SLC8A1: variants seen among roughly 807,000 people sequenced by gnomAD.
The protein encoded by SLC8A1 is solute carrier family 8 member A1.
SLC8A1 carries 18 observed loss-of-function variants against 68.3 expected under a neutral mutation model. The observed-to-expected ratio is 0.26, with a 90% confidence interval of 0.18 to 0.39. The LOEUF is 0.39. Among genes scored for constraint, SLC8A1 ranks in the 10% least tolerant of loss-of-function variants. SLC8A1 has a pLI of 1.00. For synonymous variants in SLC8A1, 475 were observed against 415.5 expected, an observed-to-expected ratio of 1.14 and a Z score of -1.74; for missense variants, 985 against 1,156.7, an observed-to-expected ratio of 0.85 and a Z score of 2.15.
intron 1 of SLC8A1, among the ~76,000 whole-genome samples, chr2:40,457,219 C>G (rs1424345135): frequency 6.6e-6 from 1 of 152,146 alleles, no homozygotes; most frequent in East Asian, 1.9e-4. Flanking sequence ...ACACACTTTC[C>G]TCAACATTGA....
chr2:40,178,559 A>G, intron 2 of SLC8A1, 66 bp from the exon 3 acceptor site: 1 of 1,369,616 alleles, frequency 7.3e-7, no homozygotes, highest in Non-Finnish European at 1.0e-6. Context: ...AACATAGAGA[A>G]GAGGAAAGCA....
At chr2:40,425,154 TTATATC>T (rs1352682377) in intron 2 of SLC8A1, among the ~76,000 whole-genome samples, 1 of 151,938 alleles carries the variant, frequency 6.6e-6, no homozygotes, top group Non-Finnish European at 1.5e-5. Context: ...TAGCTGTTAA[TTATATC>T]TATTTAATGG....
At chr2:40,483,473 G>A (rs1006368149) in intron 1 of SLC8A1, among the ~76,000 whole-genome samples, 1 of 151,996 alleles carries the variant, frequency 6.6e-6, no homozygotes, top group Non-Finnish European at 1.5e-5. Context: ...GGAGAGGAGA[G>A]AAAGCACAAT....
chr2:40,452,302 C>A (rs1208538811), upstream of SLC8A1, among the ~76,000 whole-genome samples: 1 of 151,834 alleles, frequency 6.6e-6, no homozygotes, highest in Non-Finnish European at 1.5e-5. Flanking sequence ...CCCAGGCGAT[C>A]GCGTCGGGGC....
chr2:40,237,636 C>T (rs879702129), intron 2 of SLC8A1, among the ~76,000 whole-genome samples: 57 of 152,198 alleles, frequency 3.7e-4, no homozygotes, highest in Non-Finnish European at 5.1e-4. Flanking sequence ...AGCTTTGTTC[C>T]GTTGCTGGTG....
chr2:40,149,147 G>A (rs1385171203), intron 6 of SLC8A1, among the ~76,000 whole-genome samples: 1 of 152,162 alleles, frequency 6.6e-6, no homozygotes, highest in African/African-American at 2.4e-5. Context: ...TGCACCTCAA[G>A]CCCAGGCTGA....
chr2:40,391,384 C>T (rs1685217803), intron 2 of SLC8A1, among the ~76,000 whole-genome samples: 1 of 151,914 alleles, frequency 6.6e-6, no homozygotes, highest in South Asian at 2.1e-4. Flanking sequence ...AAGAAAGCAG[C>T]ATATGGAACT....
At chr2:40,224,979 C>G (rs1288618816) in intron 2 of SLC8A1, among the ~76,000 whole-genome samples, 1 of 152,158 alleles carries the variant, frequency 6.6e-6, no homozygotes, top group African/African-American at 2.4e-5. Flanking sequence ...GAGTAAAGTT[C>G]ATGTTTGACT....
intron 2 of SLC8A1, among the ~76,000 whole-genome samples, chr2:40,376,540 T>C (rs1279757328): frequency 1.3e-5 from 2 of 151,962 alleles, no homozygotes; most frequent in Admixed American, 6.6e-5. Flanking sequence ...GCAATGTTCA[T>C]GCATTTCAGT....
At chr2:40,291,748 T>C (rs987792943) in intron 2 of SLC8A1, among the ~76,000 whole-genome samples, 2 of 152,178 alleles carry the variant, frequency 1.3e-5, no homozygotes, top group Admixed American at 6.6e-5. Context: ...TGTTATTTTA[T>C]GTTAGTGCAT....
intron 2 of SLC8A1, among the ~76,000 whole-genome samples, chr2:40,383,283 T>C (rs1682495915): frequency 6.6e-6 from 1 of 152,110 alleles, no homozygotes; most frequent in Admixed American, 6.6e-5. Context: ...TAGTAACTTT[T>C]ACATACCGGA....
At chr2:40,486,431 C>T (rs562171707) in intron 1 of SLC8A1, among the ~76,000 whole-genome samples, 6 of 151,964 alleles carry the variant, frequency 3.9e-5, no homozygotes, top group African/African-American at 1.4e-4. Context: ...TTCAGCATGC[C>T]CTTGGATCTG....
At chr2:40,378,997 G>T (rs1680843036) in intron 2 of SLC8A1, among the ~76,000 whole-genome samples, 1 of 152,030 alleles carries the variant, frequency 6.6e-6, no homozygotes, top group Non-Finnish European at 1.5e-5. Flanking sequence ...TTTGTTCCCA[G>T]ACTGGAATGT....
chr2:40,230,186 G>A (rs544956593), intron 2 of SLC8A1, among the ~76,000 whole-genome samples: 2 of 152,106 alleles, frequency 1.3e-5, no homozygotes, highest in Non-Finnish European at 2.9e-5. Flanking sequence ...GGAAGGTCTC[G>A]CTAGTCCAGA....
chr2:40,489,587 G>C (rs1281203147), intron 1 of SLC8A1, among the ~76,000 whole-genome samples: 1 of 152,074 alleles, frequency 6.6e-6, no homozygotes, highest in Non-Finnish European at 1.5e-5. Flanking sequence ...CTATTAGAAG[G>C]GGAGTAGAGT....
chr2:40,304,485 C>T (rs1428379868), intron 2 of SLC8A1, among the ~76,000 whole-genome samples: 7 of 152,226 alleles, frequency 4.6e-5, no homozygotes, highest in South Asian at 4.1e-4. Flanking sequence ...GCCACCCAGA[C>T]GATGGAATGA....
chr2:40,406,294 G>A (rs1690301105), intron 2 of SLC8A1, among the ~76,000 whole-genome samples: 1 of 152,146 alleles, frequency 6.6e-6, no homozygotes, highest in South Asian at 2.1e-4. Context: ...TGTTCTTGGA[G>A]CTTTGTGGAT....
intron 2 of SLC8A1, among the ~76,000 whole-genome samples, chr2:40,269,474 TTAG>T (rs1402147431): frequency 6.6e-5 from 10 of 152,152 alleles, no homozygotes; most frequent in African/African-American, 2.2e-4. Context: ...AGCGAAAAAG[TTAG>T]TAGAGGTGGG....
chr2:40,175,215 AT>A, intron 3 of SLC8A1, 45 bp downstream of exon 4: 1 of 1,590,326 alleles, frequency 6.3e-7, no homozygotes, highest in African/African-American at 1.3e-5. Flanking sequence ...GAAATGGAAA[AT>A]AATCTAGAAA....
Sources: gnomAD v4.1 joint callset for allele counts (sites outside exome capture counted in the v4.1 genomes callset) on GRCh38, gnomAD v4.1.1 for gene constraint, MANE v1.5 for transcripts, NCBI Gene and HGNC (gene_info 2026-07-23, HGNC 2026-07-21) for gene names.